Variants in RORA observed in about 807,000 individuals in gnomAD.
RORA encodes the protein nuclear receptor ROR-alpha.
RORA carries 7 observed loss-of-function variants against 69.5 expected under a neutral mutation model. That is an observed-to-expected ratio of 0.10 (90% CI 0.06 to 0.19). The LOEUF is 0.19. Among genes scored for constraint, RORA ranks in the 10% least tolerant of loss-of-function variants. The pLI is 1.00. For missense variants in RORA, 457 were observed against 663.0 expected (o/e 0.69, Z 3.41); for synonymous variants, 261 against 240.8 (o/e 1.08, Z -0.78).
intron 1 of RORA, among the ~76,000 whole-genome samples, chr15:60,695,084 A>T (rs1332042848): frequency 6.6e-6 from 1 of 152,106 alleles, no homozygotes; most frequent in Non-Finnish European, 1.5e-5. Flanking sequence ...ACAAGATAGT[A>T]ATGATCCCTG....
chr15:60,813,631 G>T (rs1158422704), intron 1 of RORA, among the ~76,000 whole-genome samples: 1 of 150,854 alleles, frequency 6.6e-6, no homozygotes, highest in Non-Finnish European at 1.5e-5. Flanking sequence ...ACGTTGTGTG[G>T]CTGAACTTAG....
At chr15:60,630,003 C>T (rs891770493) in intron 2 of RORA, among the ~76,000 whole-genome samples, 2 of 152,172 alleles carry the variant, frequency 1.3e-5, no homozygotes, top group Admixed American at 6.5e-5. Flanking sequence ...GTGAATACTT[C>T]TGAATGACAA....
intron 1 of RORA, among the ~76,000 whole-genome samples, chr15:61,150,417 T>C (rs574606593): frequency 2.6e-5 from 4 of 152,262 alleles, no homozygotes; most frequent in African/African-American, 9.6e-5. Context: ...AAACAGACAG[T>C]CTCATACATT....
At chr15:60,783,312 T>A (rs1205708566) in intron 1 of RORA, among the ~76,000 whole-genome samples, 2 of 152,180 alleles carry the variant, frequency 1.3e-5, no homozygotes, top group Non-Finnish European at 2.9e-5. Flanking sequence ...TGTTTTCTTG[T>A]CCACCTCATC....
chr15:60,816,050 CTA>C (rs1370125671), intron 1 of RORA, among the ~76,000 whole-genome samples: 4 of 129,076 alleles, frequency 3.1e-5, no homozygotes, highest in Non-Finnish European at 6.4e-5. Context: ...ACTATAAAAA[CTA>C]TATGTATTTA....
chr15:60,825,612 C>T (rs1357545166), intron 1 of RORA, among the ~76,000 whole-genome samples: 2 of 152,138 alleles, frequency 1.3e-5, no homozygotes, highest in Admixed American at 6.5e-5. Flanking sequence ...CCCCATCTTC[C>T]GTCTCCATCC....
At chr15:60,986,558 G>A (rs530963885) in intron 1 of RORA, among the ~76,000 whole-genome samples, 3 of 152,286 alleles carry the variant, frequency 2.0e-5, no homozygotes, top group African/African-American at 7.2e-5. Context: ...ACTGTCTTTG[G>A]CCATGGGAGC....
At chr15:60,516,190 T>A (rs1173044187) in intron 3 of RORA, among the ~76,000 whole-genome samples, 168 of 15,752 alleles carry the variant, frequency 0.011, 6 homozygotes, top group African/African-American at 0.048. Flanking sequence ...TATATTTATA[T>A]ATATATTTAT....
intron 1 of RORA, among the ~76,000 whole-genome samples, chr15:60,846,018 T>C (rs982833657): frequency 6.6e-6 from 1 of 152,228 alleles, no homozygotes; most frequent in Non-Finnish European, 1.5e-5. Flanking sequence ...GTGCTGGGAT[T>C]ACAGGCGTGA....
At chr15:60,889,014 T>G (rs1277768812) in intron 1 of RORA, among the ~76,000 whole-genome samples, 2 of 152,244 alleles carry the variant, frequency 1.3e-5, no homozygotes, top group Non-Finnish European at 2.9e-5. Context: ...CTGCTCACGC[T>G]GTTTAAGAGA....
chr15:61,126,092 C>T (rs1220377214), intron 1 of RORA, among the ~76,000 whole-genome samples: 2 of 152,208 alleles, frequency 1.3e-5, no homozygotes, highest in Non-Finnish European at 2.9e-5. Flanking sequence ...AAAAGCTCCT[C>T]CTCTGGGGCT....
At chr15:61,000,828 T>C in intron 1 of RORA, among the ~76,000 whole-genome samples, 1 of 152,070 alleles carries the variant, frequency 6.6e-6, no homozygotes, top group African/African-American at 2.4e-5. Flanking sequence ...GCCAGGGAAT[T>C]AGAGGACCTG....
intron 1 of RORA, among the ~76,000 whole-genome samples, chr15:60,853,535 A>G (rs989047185): frequency 6.6e-6 from 1 of 152,350 alleles, no homozygotes; most frequent in East Asian, 1.9e-4. Context: ...ACCACTGCCA[A>G]CAAGAAGACA....
intron 8 of RORA, 39 bp from the exon 9 acceptor site, chr15:60,501,108 T>G: frequency 7.9e-7 from 1 of 1,261,456 alleles, no homozygotes; most frequent in Non-Finnish European, 1.1e-6. Flanking sequence ...GAATTTTGAT[T>G]ATTGTCTTAG....
At chr15:61,228,620 G>T (rs2080170795) in intron 1 of RORA, among the ~76,000 whole-genome samples, 1 of 151,576 alleles carries the variant, frequency 6.6e-6, no homozygotes, top group African/African-American at 2.4e-5. Flanking sequence ...AAGGTAAAGC[G>T]GAAGGAGGGT....
intron 1 of RORA, among the ~76,000 whole-genome samples, chr15:61,044,514 T>C (rs1896933382): frequency 6.6e-6 from 1 of 152,196 alleles, no homozygotes; most frequent in African/African-American, 2.4e-5. Flanking sequence ...TGGAAGTGAA[T>C]AAAAATATCT....
At chr15:60,768,734 C>T (rs2072025763) in intron 1 of RORA, among the ~76,000 whole-genome samples, 1 of 152,114 alleles carries the variant, frequency 6.6e-6, no homozygotes, top group Non-Finnish European at 1.5e-5. Flanking sequence ...TGAAGGCTGG[C>T]CTGATAAAAT....
intron 1 of RORA, among the ~76,000 whole-genome samples, chr15:61,214,467 G>C (rs1453349602): frequency 6.6e-6 from 1 of 152,226 alleles, no homozygotes; most frequent in Non-Finnish European, 1.5e-5. Context: ...TTGATCATCA[G>C]AGCAAGCATT....
At chr15:60,779,998 T>C (rs1197320980) in intron 1 of RORA, among the ~76,000 whole-genome samples, 1 of 152,172 alleles carries the variant, frequency 6.6e-6, no homozygotes, top group Non-Finnish European at 1.5e-5. Flanking sequence ...CAAATCTTTA[T>C]ACATCTCATG....
Sources: gnomAD v4.1 joint callset for allele counts (sites outside exome capture counted in the v4.1 genomes callset) on GRCh38, gnomAD v4.1.1 for gene constraint, MANE v1.5 for transcripts, NCBI Gene and HGNC (gene_info 2026-07-23, HGNC 2026-07-21) for gene names.